The following SMIM35 variants were observed in gnomAD, a reference collection of about 807,000 sequenced individuals.
SMIM35 encodes the protein small integral membrane protein 35, also known as TMPRSS4 antisense RNA 1 (non-protein coding).
chr11:118,062,411 G>A (rs1001743198), intron 1 of SMIM35, among the ~76,000 whole-genome samples: 1 of 152,200 alleles, frequency 6.6e-6, no homozygotes, highest in Non-Finnish European at 1.5e-5. Context: ...GTTCACAGGG[G>A]CCAAGACCAC....
chr11:118,051,650 T>G (rs930929040), intron 1 of SMIM35, among the ~76,000 whole-genome samples: 3 of 152,082 alleles, frequency 2.0e-5, no homozygotes, highest in Admixed American at 1.3e-4. Context: ...CTCACTACAG[T>G]GCAGACAGTG....
chr11:118,059,286 A>T (rs183807049), intron 1 of SMIM35: 6,188 of 152,448 alleles, frequency 0.041, 305 homozygotes, highest in African/African-American at 0.12. Context: ...AGGGAAGGTC[A>T]CATGAAGAAC....
At chr11:118,013,969 C>G in intron 3 of SMIM35, 89 bp from the exon 4 acceptor site, 1 of 397,354 alleles carries the variant, frequency 2.5e-6, no homozygotes, top group Non-Finnish European at 4.4e-6. Context: ...GGCACCAACT[C>G]ACTGACTTGT....
chr11:118,081,628 C>T (rs1004542643), intron 1 of SMIM35, among the ~76,000 whole-genome samples: 7 of 152,246 alleles, frequency 4.6e-5, no homozygotes, highest in Admixed American at 6.5e-5. Context: ...GGGTGGCAGT[C>T]GCGTCTCCTG....
chr11:118,069,203 A>T (rs758572299), intron 1 of SMIM35, among the ~76,000 whole-genome samples: 17 of 152,226 alleles, frequency 1.1e-4, no homozygotes, highest in Admixed American at 6.5e-5. Flanking sequence ...CAGTTCCCTC[A>T]TCTGTAAGAT....
In SMIM35 at chr11:118,015,798, T is replaced by C; in HGVS notation, c.19A>G (p.Ile7Val). 1 of 399,280 alleles carries C rather than the reference T, an allele frequency of 2.5e-6. No individual in the cohort carries two copies. Among genetic ancestry groups the C allele is most frequent in the Non-Finnish European group, 4.4e-6 (1 of 226,208 alleles). The allele number at this position is 399,280 out of a possible 1,614,324, so 24.7% of individuals were successfully genotyped here. Residue 7 changes from isoleucine (I) to valine (V), a missense_variant, in exon 2 of 5, where the codon ATC (isoleucine) becomes GTC (valine). Ile to Val is a conservative substitution (Grantham distance 29). Transcript: ENST00000689828. MTGEDS[I>V]STLGLILGVG... The stretch of plus-strand genomic sequence containing the variant: ...CCAAGGATCAGGCCCAAGGTGCTGA[T>C]GGAGTCCTCACCTGCAGAGACATGC...
At chr11:118,034,690 C>G (rs1783839) in intron 1 of SMIM35, among the ~76,000 whole-genome samples, 4 of 152,086 alleles carry the variant, frequency 2.6e-5, no homozygotes, top group Admixed American at 6.5e-5. Flanking sequence ...GGTGACAGAG[C>G]GAGATCCTGT....
In SMIM35 at chr11:118,015,664, C is replaced by T. The variant is rs144812800; in HGVS notation, c.124+29G>A. ...TGGGAGAGGAGGAGCTGCGCAGAACCGGGGCTACAGGGCCCAGTGCACACT... is the reference window on the plus strand; with the variant it reads ...TGGGAGAGGAGGAGCTGCGCAGAACTGGGGCTACAGGGCCCAGTGCACACT... On this transcript the variant is annotated intron_variant, in intron 2 of 4. Coordinates refer to ENST00000689828, the MANE Select transcript of SMIM35 (RefSeq NM_001394165.1). 6.1e-4 allele frequency: 242 copies of T among 399,236 alleles called. 2 individuals carry two copies. Among genetic ancestry groups the T allele is most frequent in the African/African-American group, 3.6e-3 (176 of 48,758 alleles). 24.7% of individuals were successfully genotyped at this position (399,236 alleles called of 1,614,324 possible).
At chr11:118,012,125 G>A (rs1479615010) in intron 4 of SMIM35, among the ~76,000 whole-genome samples, 1 of 152,138 alleles carries the variant, frequency 6.6e-6, no homozygotes, top group African/African-American at 2.4e-5. Context: ...TTGCTCTATT[G>A]GGCTCCTGCA....
chr11:118,039,086 C>G (rs985833723), intron 1 of SMIM35, among the ~76,000 whole-genome samples: 1 of 152,100 alleles, frequency 6.6e-6, no homozygotes, highest in African/African-American at 2.4e-5. Flanking sequence ...AGTATTGAAG[C>G]AGTATAACGT....
chr11:118,038,331 A>G (rs2135072898), intron 1 of SMIM35, among the ~76,000 whole-genome samples: 2 of 152,254 alleles, frequency 1.3e-5, no homozygotes, highest in Middle Eastern at 6.8e-3. Flanking sequence ...CACACCTTTG[A>G]CAGTCTTTGG....
chr11:118,080,992 C>T (rs1413904810), intron 1 of SMIM35, among the ~76,000 whole-genome samples: 1 of 152,218 alleles, frequency 6.6e-6, no homozygotes, highest in African/African-American at 2.4e-5. Flanking sequence ...AAACCTGTTG[C>T]CACCAGAATG....
At chr11:118,016,677 T>G (rs2058185932) in intron 1 of SMIM35, among the ~76,000 whole-genome samples, 1 of 152,214 alleles carries the variant, frequency 6.6e-6, no homozygotes, top group Admixed American at 6.5e-5. Context: ...TTGCAAGCTG[T>G]GAGACCCTGA....
At chr11:118,028,136 G>A (rs10458939) in intron 1 of SMIM35, among the ~76,000 whole-genome samples, 14,555 of 152,212 alleles carry the variant, frequency 0.096, 972 homozygotes, top group East Asian at 0.37. Context: ...TTCAGAGGTC[G>A]TAACTATGGC....
chr11:118,015,980 C>A (rs1301823597), intron 1 of SMIM35, among the ~76,000 whole-genome samples, 171 bp from the exon 2 acceptor site: 2 of 152,232 alleles, frequency 1.3e-5, no homozygotes, highest in African/African-American at 4.8e-5. Context: ...AAATGTCTGA[C>A]ACCTGAATTT....
chr11:118,009,536 G>A (rs745523536), intron 4 of SMIM35, among the ~76,000 whole-genome samples: 15 of 152,206 alleles, frequency 9.9e-5, no homozygotes, highest in Non-Finnish European at 1.8e-4. Context: ...TCAGACACAC[G>A]CAGAGTCAAG....
chr11:118,080,676 A>ACC (rs1249543869), intron 1 of SMIM35, among the ~76,000 whole-genome samples: 3 of 152,156 alleles, frequency 2.0e-5, no homozygotes, highest in Non-Finnish European at 4.4e-5. Context: ...ATGAGGAGAG[A>ACC]CCAGCTCAAG....
At chr11:118,025,556 A>AT in intron 1 of SMIM35, 2 of 454,990 alleles carry the variant, frequency 4.4e-6, no homozygotes, top group Non-Finnish European at 8.8e-6. Context: ...TGTTGAGAGC[A>AT]TTTTTTCGTG....
Position 118,022,766 on chromosome 11 carries a change from G to A in SMIM35, c.8-6957C>T, listed in dbSNP as rs555185119. Among the ~76,000 whole-genome samples the A allele has an allele frequency of 1.1e-4, 16 of 152,146 alleles. No homozygotes were observed. The East Asian group carries it at 2.4e-3, about 22-fold the overall frequency. On this transcript the variant is annotated intron_variant, in intron 1 of 4. Coordinates refer to ENST00000689828, the MANE Select transcript of SMIM35 (RefSeq NM_001394165.1). ...GAGAATCATCTGAAAGCATTCGTGG[G>A]AAACAGTGTCTAGCATTCAAATAGG...
Sources: allele counts gnomAD v4.1 joint callset (sites outside exome capture counted in the v4.1 genomes callset), GRCh38; gene constraint gnomAD v4.1.1; transcripts MANE v1.5; gene names NCBI Gene and HGNC (gene_info 2026-07-23, HGNC 2026-07-21).